Variants in LRRN2 observed in about 807,000 individuals in gnomAD.
LRRN2 encodes the protein leucine rich repeat neuronal 2.
In LRRN2, 10 loss-of-function variants were observed where a neutral mutation model predicts 35.7. That is an observed-to-expected ratio of 0.28 (90% CI 0.17 to 0.47). The LOEUF (loss-of-function observed/expected upper bound fraction) is 0.47. Among genes scored for constraint, LRRN2 ranks in the 20% least tolerant of loss-of-function variants. The probability of loss-of-function intolerance (pLI) is 0.99; values close to 1 mark genes in which losing one functional copy is unlikely to be tolerated. For synonymous variants in LRRN2, 391 were observed against 409.6 expected, an observed-to-expected ratio of 0.95 and a Z score of 0.55; for missense variants, 731 against 940.3, an observed-to-expected ratio of 0.78 and a Z score of 2.91.
rs548473893 is a variant in LRRN2, at chr1:204,678,958, G to C, written c.-227+6362C>G. Among the ~76,000 whole-genome samples the C allele has an allele frequency of 5.3e-5, 8 of 152,286 alleles. No homozygotes were observed. The East Asian group carries it at 9.6e-4, about 18-fold the overall frequency. ...GAGGTCTGTCTGGTCATTCACTGCTGTCTGCCCTCAGTGCCTGGCTACATG... is the reference window on the plus strand; with the variant it reads ...GAGGTCTGTCTGGTCATTCACTGCTCTCTGCCCTCAGTGCCTGGCTACATG... On this transcript the variant is annotated intron_variant, in intron 1 of 1. Transcript: ENST00000367177.
rs113477927 is a variant in LRRN2 at position 204,635,855 on chromosome 1, C to T, written c.-226-15637G>A. ...CAAATGGAAGGACCAACCTTCCTGC[C>T]GTGTAACAACCAACATTCTTCCAGG... On this transcript the variant is annotated intron_variant, in intron 1 of 1. Coordinates refer to ENST00000367177, the MANE Select transcript of LRRN2 (RefSeq NM_201630.2). Among the ~76,000 whole-genome samples, 672 of 152,314 alleles carry T rather than the reference C, an allele frequency of 4.4e-3. 3 individuals are homozygous for T. Among genetic ancestry groups the T allele is most frequent in the Middle Eastern group, 6.8e-3 (2 of 294 alleles).
chr1:204,639,398 C>T (rs1327818958), intron 1 of LRRN2, among the ~76,000 whole-genome samples: 1 of 152,158 alleles, frequency 6.6e-6, no homozygotes, highest in African/African-American at 2.4e-5. Flanking sequence ...CTTCGGGAGG[C>T]CCAGTTGGGA....
chr1:204,669,858 A>C (rs1382517120), intron 1 of LRRN2, among the ~76,000 whole-genome samples: 1 of 152,188 alleles, frequency 6.6e-6, no homozygotes, highest in Non-Finnish European at 1.5e-5. Context: ...CATCCTAAAG[A>C]GCATGGGAAT....
intron 1 of LRRN2, among the ~76,000 whole-genome samples, chr1:204,674,138 G>A (rs1668770955): frequency 6.6e-6 from 1 of 152,144 alleles, no homozygotes; most frequent in South Asian, 2.1e-4. Flanking sequence ...CCTGCAGAGA[G>A]CCAATACTCC....
chr1:204,672,106 G>A (rs1195699473), intron 1 of LRRN2, among the ~76,000 whole-genome samples: 2 of 152,224 alleles, frequency 1.3e-5, no homozygotes, highest in East Asian at 1.9e-4. Flanking sequence ...CTTATTTTGC[G>A]AGATTTGGGG....
At chr1:204,636,059 C>G (rs1175695617) in intron 1 of LRRN2, among the ~76,000 whole-genome samples, 1 of 152,170 alleles carries the variant, frequency 6.6e-6, no homozygotes, top group Non-Finnish European at 1.5e-5. Flanking sequence ...GTCACCAGCC[C>G]CATCTTTGCC....
intron 1 of LRRN2, among the ~76,000 whole-genome samples, chr1:204,622,818 G>A (rs1172585845): frequency 6.6e-6 from 1 of 152,084 alleles, no homozygotes; most frequent in African/African-American, 2.4e-5. Flanking sequence ...GACCCAAATC[G>A]CGGCCCTACC....
chr1:204,641,746 A>G (rs1667982410), intron 1 of LRRN2, among the ~76,000 whole-genome samples: 1 of 152,202 alleles, frequency 6.6e-6, no homozygotes, highest in East Asian at 1.9e-4. Flanking sequence ...CACCACACCA[A>G]CTACCTGGCT....
intron 1 of LRRN2, chr1:204,664,605 T>C (rs1431062064): frequency 6.6e-6 from 1 of 152,254 alleles, no homozygotes; most frequent in Non-Finnish European, 1.5e-5. Context: ...AAAATAACGA[T>C]ATAAATGCCC....
At chr1:204,677,397 ATC>A (rs1413682896) in intron 1 of LRRN2, among the ~76,000 whole-genome samples, 1 of 152,100 alleles carries the variant, frequency 6.6e-6, no homozygotes, top group Non-Finnish European at 1.5e-5. Context: ...CACTCTGGTG[ATC>A]TCTCTCTATA....
In LRRN2 at chr1:204,666,610, AAACT is replaced by A. The variant is rs1205056256; in HGVS notation, c.-227+18706_-227+18709del. ...ATACTACATGGTGACAAAAAAGAAC[AAACT>A]AACTACTGATATAGGCAACTACTTG... On this transcript the variant is annotated intron_variant, in intron 1 of 1. Coordinates refer to ENST00000367177, the MANE Select transcript of LRRN2 (RefSeq NM_201630.2). 2.0e-5 allele frequency among the ~76,000 whole-genome samples: 3 copies of A among 152,206 alleles called. No homozygotes were observed. The East Asian group carries it at 5.8e-4, about 29-fold the overall frequency.
At chr1:204,637,404 G>A (rs1227800139) in intron 1 of LRRN2, among the ~76,000 whole-genome samples, 2 of 152,198 alleles carry the variant, frequency 1.3e-5, no homozygotes, top group Non-Finnish European at 2.9e-5. Context: ...CAGGGGAGAG[G>A]GTGGTGGCTG....
intron 1 of LRRN2, 186 bp from the exon 2 acceptor site, chr1:204,620,404 G>A (rs1666801471): frequency 4.5e-6 from 1 of 223,074 alleles, no homozygotes; most frequent in South Asian, 1.0e-4. Context: ...CACCTGAGTA[G>A]CTGGGATTAC....
chr1:204,630,310 G>A (rs545256342), intron 1 of LRRN2, among the ~76,000 whole-genome samples: 4 of 151,812 alleles, frequency 2.6e-5, no homozygotes, highest in Admixed American at 6.5e-5. Flanking sequence ...GAAGGGTCGG[G>A]TGGGGGTGGG....
At chr1:204,637,645 C>CGTTTGT (rs1667866119) in intron 1 of LRRN2, among the ~76,000 whole-genome samples, 1 of 129,950 alleles carries the variant, frequency 7.7e-6, no homozygotes, top group Admixed American at 7.5e-5. Flanking sequence ...CAGCACGTGA[C>CGTTTGT]GTGTGTGTGT....
intron 1 of LRRN2, among the ~76,000 whole-genome samples, chr1:204,652,895 A>C (rs898759769): frequency 6.6e-6 from 1 of 152,126 alleles, no homozygotes; most frequent in Non-Finnish European, 1.5e-5. Context: ...TCCCCTACAG[A>C]TGGAGGGTGC....
Position 204,670,912 on chromosome 1 carries a change from T to C in LRRN2, c.-227+14408A>G, listed in dbSNP as rs186504886. Among the ~76,000 whole-genome samples, 1,173 of 152,268 alleles carry C rather than the reference T, an allele frequency of 7.7e-3. 10 individuals are homozygous for C. The highest frequency in any genetic ancestry group is 0.014 in the Middle Eastern group (4 of 294). ...AGCCAACCCTTTCAGACATTTGGCT[T>C]GTACGGAGAAGAGAGACAGTGTGGT... On this transcript the variant is annotated intron_variant, in intron 1 of 1. Coordinates refer to ENST00000367177, the MANE Select transcript of LRRN2 (RefSeq NM_201630.2).
Position 204,619,400 on chromosome 1 carries a change from C to A in LRRN2, c.593G>T (p.Gly198Val). Residue 198 changes from glycine (G) to valine (V), a missense_variant, in exon 2 of 2, where the codon GGC becomes GTC. By Grantham distance (109) the Gly-to-Val change is moderately radical. Coordinates refer to ENST00000367177, the MANE Select transcript of LRRN2 (RefSeq NM_201630.2). ...GTCCAGGATGGCATCTACCTTGTTG[C>A]CGCCAATCATGAGTATCTCCAAGTT... The part of the protein sequence containing the change: ...LPNLEILMIG[G>V]NKVDAILDMN... The A allele has an allele frequency of 6.2e-7, 1 of 1,614,222 alleles. No individual in the cohort carries two copies. The highest frequency in any genetic ancestry group is 2.2e-5 in the East Asian group (1 of 44,884).
chr1:204,683,832 C>T (rs1448739877), intron 1 of LRRN2, among the ~76,000 whole-genome samples: 1 of 152,216 alleles, frequency 6.6e-6, no homozygotes, highest in Admixed American at 6.5e-5. Flanking sequence ...CTAGCTCTGC[C>T]CTTCTGTTTC....
Sources: allele counts gnomAD v4.1 joint callset (sites outside exome capture counted in the v4.1 genomes callset), GRCh38; gene constraint gnomAD v4.1.1; transcripts MANE v1.5; gene names NCBI Gene and HGNC (gene_info 2026-07-23, HGNC 2026-07-21).